Variants in CALD1 observed in about 807,000 individuals in gnomAD.
CALD1 encodes the protein caldesmon 1.
Under a neutral mutation model 99.9 loss-of-function variants are expected in CALD1, and 33 were observed. The observed-to-expected ratio is 0.33, with a 90% CI of 0.25 to 0.44. The LOEUF is 0.44. CALD1 is among the 20% of genes least tolerant of loss of function. The pLI is 1.00. For synonymous variants in CALD1, 310 were observed against 325.0 expected (o/e 0.95, Z 0.50); for missense variants, 861 against 962.1 (o/e 0.89, Z 1.39).
At chr7:134,762,466 C>G (rs1426185544) in intron 1 of CALD1, among the ~76,000 whole-genome samples, 1 of 152,060 alleles carries the variant, frequency 6.6e-6, no homozygotes, top group African/African-American at 2.4e-5. Context: ...CTGTATTAGT[C>G]CATTCTCACA....
At chr7:134,801,861 C>T (rs1011757162) in intron 1 of CALD1, among the ~76,000 whole-genome samples, 1 of 152,130 alleles carries the variant, frequency 6.6e-6, no homozygotes, top group African/African-American at 2.4e-5. Context: ...TTAAGCCATC[C>T]TCCCATCTCA....
chr7:134,728,047 G>A, the CALD1 span, among the ~76,000 whole-genome samples: 3 of 152,202 alleles, frequency 2.0e-5, no homozygotes, highest in South Asian at 4.1e-4. Context: ...CTTTATGGAC[G>A]TCCTATTAAA....
rs996912966 is a variant in CALD1 at position 134,933,990 on chromosome 7, A to G, written c.1221A>G (p.Glu407=). 6.2e-7 allele frequency: 1 copy of G among 1,614,024 alleles called. No homozygotes were observed. Among genetic ancestry groups the G allele is most frequent in the African/African-American group, 1.3e-5 (1 of 74,926 alleles). Residue 407 remains glutamate, a synonymous_variant, in exon 5 of 15, where the codon GAA becomes GAG. Transcript: ENST00000361675. ...TGCAAGAGACAAAGATAAAAGGGGAAAAGGTAGAACAGAAAATAGAAGGGA... is the reference window on the plus strand; with the variant it reads ...TGCAAGAGACAAAGATAAAAGGGGAGAAGGTAGAACAGAAAATAGAAGGGA... The part of the protein sequence containing the change: ...HAMQETKIKG[E]KVEQKIEGKW...
chr7:134,876,144 C>G (rs1026141049), intron 3 of CALD1, among the ~76,000 whole-genome samples: 1 of 152,208 alleles, frequency 6.6e-6, no homozygotes, highest in Non-Finnish European at 1.5e-5. Context: ...CACATATGCA[C>G]CCACCAAACT....
intron 1 of CALD1, among the ~76,000 whole-genome samples, chr7:134,792,108 C>T (rs116382187): frequency 7.9e-4 from 121 of 152,212 alleles, no homozygotes; most frequent in African/African-American, 2.9e-3. Flanking sequence ...AATGCACAAA[C>T]AAATTTATTT....
intron 7 of CALD1, among the ~76,000 whole-genome samples, chr7:134,942,981 C>G (rs1284545177): frequency 1.3e-5 from 2 of 152,078 alleles, no homozygotes; most frequent in Non-Finnish European, 2.9e-5. Flanking sequence ...ACGTGTGACT[C>G]TGGCCTTAAT....
chr7:134,909,501 A>G (rs1242525063), intron 3 of CALD1, among the ~76,000 whole-genome samples: 2 of 152,166 alleles, frequency 1.3e-5, no homozygotes, highest in Non-Finnish European at 2.9e-5. Context: ...TGGCCAACAC[A>G]GTGAAACCCT....
At chr7:134,718,558 A>G in the CALD1 span, among the ~76,000 whole-genome samples, 2 of 152,142 alleles carry the variant, frequency 1.3e-5, no homozygotes, top group African/African-American at 2.4e-5. Flanking sequence ...TCATATAATG[A>G]TGTATCTGAG....
intron 3 of CALD1, among the ~76,000 whole-genome samples, chr7:134,885,226 C>T (rs533499562): frequency 1.3e-3 from 203 of 152,280 alleles, no homozygotes; most frequent in African/African-American, 4.6e-3. Flanking sequence ...AGCCCCGACA[C>T]CCGGCACCAT....
At chr7:134,934,417 C>T (rs1805793465) in intron 5 of CALD1, among the ~76,000 whole-genome samples, 1 of 152,144 alleles carries the variant, frequency 6.6e-6, no homozygotes, top group Non-Finnish European at 1.5e-5. Flanking sequence ...TGATTCTGTG[C>T]TTGCATCTAA....
chr7:134,731,396 C>G, the CALD1 span, among the ~76,000 whole-genome samples: 1 of 152,224 alleles, frequency 6.6e-6, no homozygotes, highest in East Asian at 1.9e-4. Context: ...TGCTTCCTTT[C>G]TGATACCACC....
chr7:134,929,621 C>CGT lies in CALD1; in HGVS notation c.218+746_218+747dup, dbSNP rs1554468156. 1.9e-3 allele frequency among the ~76,000 whole-genome samples: 8 copies of CGT among 4,250 alleles called. 3 individuals are homozygous for CGT. The highest frequency in any genetic ancestry group is 2.8e-3 in the Non-Finnish European group (7 of 2,536). The allele number at this position is 4,250 out of a possible 152,430, so 2.8% of individuals were successfully genotyped here. On this transcript the variant is annotated intron_variant, in intron 4 of 14. Coordinates refer to ENST00000361675, the MANE Select transcript of CALD1 (RefSeq NM_033138.4). ...GTATTCCATGGTGTGTGTATATATA[C>CGT]GTGTGTGTGTGTGTGTGTGTGTGTG...
At chr7:134,909,041 G>A (rs1195939419) in intron 3 of CALD1, among the ~76,000 whole-genome samples, 1 of 152,010 alleles carries the variant, frequency 6.6e-6, no homozygotes, top group African/African-American at 2.4e-5. Flanking sequence ...AATGAGATGA[G>A]ATTTTTTATA....
chr7:134,750,111 A>AAAACAAAC lies in CALD1; in HGVS notation c.-130+5769_-130+5776dup, dbSNP rs59185876. Among the ~76,000 whole-genome samples the AAAACAAAC allele has an allele frequency of 8.6e-3, 1,295 of 150,856 alleles. 26 individuals are homozygous for AAAACAAAC. Among genetic ancestry groups the AAAACAAAC allele is most frequent in the African/African-American group, 0.03 (1,214 of 41,120 alleles). On this transcript the variant is annotated intron_variant, in intron 1 of 13. Coordinates refer to the CALD1 transcript ENST00000417172. ...TTGGAAGGTTGATATGGCAAGTGTT[A>AAAACAAAC]AAACAAACAAACAAACAAACAAACA...
intron 6 of CALD1, among the ~76,000 whole-genome samples, chr7:134,939,407 G>A (rs1744474461): frequency 6.6e-6 from 1 of 152,210 alleles, no homozygotes; most frequent in African/African-American, 2.4e-5. Flanking sequence ...CAACTAGTTT[G>A]TTGTCAGCAC....
chr7:134,935,504 T>C (rs1158378595), intron 5 of CALD1, among the ~76,000 whole-genome samples, 184 bp from the exon 6 acceptor site: 1 of 152,072 alleles, frequency 6.6e-6, no homozygotes, highest in East Asian at 1.9e-4. Flanking sequence ...CACGAGAAGA[T>C]GTTGGGGTGG....
At chr7:134,918,808 C>A (rs1289668146) in intron 3 of CALD1, among the ~76,000 whole-genome samples, 1 of 152,104 alleles carries the variant, frequency 6.6e-6, no homozygotes, top group South Asian at 2.1e-4. Context: ...CCAGCCTGGG[C>A]AACATGGGGA....
chr7:134,826,178 T>C (rs1316833594), intron 1 of CALD1, among the ~76,000 whole-genome samples: 1 of 152,198 alleles, frequency 6.6e-6, no homozygotes, highest in Non-Finnish European at 1.5e-5. Context: ...TATTCTATTG[T>C]CTGCTCCAAA....
At chr7:134,872,230 G>A (rs925932379) in intron 3 of CALD1, among the ~76,000 whole-genome samples, 1 of 151,994 alleles carries the variant, frequency 6.6e-6, no homozygotes, top group Non-Finnish European at 1.5e-5. Context: ...GGTGGTGGGT[G>A]CCTGTAATCC....
Sources: gnomAD v4.1 joint callset for allele counts (sites outside exome capture counted in the v4.1 genomes callset) on GRCh38, gnomAD v4.1.1 for gene constraint, MANE v1.5 for transcripts, NCBI Gene and HGNC (gene_info 2026-07-23, HGNC 2026-07-21) for gene names.